Variants in USH2A observed in about 807,000 individuals in gnomAD.
The protein encoded by USH2A is Usher syndrome 2A (autosomal recessive, mild).
A neutral mutation model predicts 538.9 loss-of-function variants in USH2A; 443 were observed. The observed-to-expected ratio is 0.82, with a 90% CI of 0.76 to 0.89. USH2A has a LOEUF of 0.89. USH2A is among the 40% of genes least tolerant of loss of function. The pLI, the probability that USH2A is intolerant of heterozygous loss-of-function variation, is 0.00. For synonymous variants in USH2A, 2,413 were observed against 2,273.5 expected (o/e 1.06, Z -1.75); for missense variants, 6,633 against 6,324.8 (o/e 1.05, Z -1.65).
At chr1:215,712,488 T>G (rs1659365654) in intron 61 of USH2A, among the ~76,000 whole-genome samples, 2 of 152,214 alleles carry the variant, frequency 1.3e-5, no homozygotes, top group South Asian at 4.1e-4. Flanking sequence ...ATGATGAAGC[T>G]TGGGCTGTGA....
intron 4 of USH2A, among the ~76,000 whole-genome samples, chr1:216,333,234 C>G (rs761919599): frequency 1.3e-5 from 2 of 151,668 alleles, no homozygotes; most frequent in African/African-American, 4.8e-5. Flanking sequence ...ACGAGCCCAG[C>G]AGTTTGAGAC....
intron 21 of USH2A, chr1:216,174,967 G>A: frequency 8.0e-7 from 1 of 1,244,552 alleles, no homozygotes. Flanking sequence ...ACATGTCCTG[G>A]CACATACTTC....
At chr1:215,633,463 G>C (rs1656376383) in intron 70 of USH2A, among the ~76,000 whole-genome samples, 1 of 152,278 alleles carries the variant, frequency 6.6e-6, no homozygotes, top group East Asian at 1.9e-4. Flanking sequence ...CTATGTTGGG[G>C]CTTAACCAGT....
chr1:215,786,084 T>C (rs1390095225), intron 52 of USH2A, among the ~76,000 whole-genome samples: 1 of 152,168 alleles, frequency 6.6e-6, no homozygotes, highest in Non-Finnish European at 1.5e-5. Context: ...AACTTAACAG[T>C]GTTTCTCACA....
chr1:215,945,513 C>G (rs1666736995), intron 37 of USH2A, among the ~76,000 whole-genome samples: 1 of 151,942 alleles, frequency 6.6e-6, no homozygotes, highest in Non-Finnish European at 1.5e-5. Context: ...ATTAACAGGT[C>G]TTTTTTTAAA....
At chr1:215,919,581 T>G (rs2102487289) in intron 38 of USH2A, among the ~76,000 whole-genome samples, 1 of 152,176 alleles carries the variant, frequency 6.6e-6, no homozygotes, top group Non-Finnish European at 1.5e-5. Flanking sequence ...GTGTTACAGA[T>G]AATCAGAGGA....
intron 20 of USH2A, among the ~76,000 whole-genome samples, chr1:216,184,753 T>C (rs886169471): frequency 5.3e-5 from 8 of 152,018 alleles, no homozygotes; most frequent in Admixed American, 3.9e-4. Context: ...AGTGCTTGTT[T>C]AATCACTCTG....
chr1:216,192,752 TC>T (rs1273188350), intron 19 of USH2A, among the ~76,000 whole-genome samples: 1 of 151,894 alleles, frequency 6.6e-6, no homozygotes, highest in African/African-American at 2.4e-5. Flanking sequence ...ATGTCCTTAT[TC>T]CAGTTCAGCC....
chr1:216,246,976 A>G lies in USH2A; in HGVS notation c.2418T>C (p.Thr806=), dbSNP rs763685875. 6.2e-7 allele frequency: 1 copy of G among 1,614,118 alleles called. No homozygotes were observed. Among genetic ancestry groups the G allele is most frequent in the Non-Finnish European group, 8.5e-7 (1 of 1,179,992 alleles). ...DCDTAGSLPG[T]VCNAKTGQCI... ...ACTGCCCTGTCTTAGCATTACAGAC[A>G]GTCCCAGGGAGGGATCCAGCTGTGT... Residue 806 remains threonine, a synonymous_variant, in exon 13 of 72, where the codon ACT becomes ACC. Transcript: ENST00000307340.
chr1:216,231,893 C>CA, intron 14 of USH2A, 60 bp downstream of exon 14: 2 of 1,606,854 alleles, frequency 1.2e-6, no homozygotes, highest in East Asian at 2.2e-5. Flanking sequence ...TTGCAACTGC[C>CA]AAAAAAAGTT....
At chr1:215,956,414 T>C (rs1347682217) in intron 37 of USH2A, among the ~76,000 whole-genome samples, 2 of 152,188 alleles carry the variant, frequency 1.3e-5, no homozygotes, top group Non-Finnish European at 2.9e-5. Context: ...AGGAGAATTT[T>C]ATTTTATTTT....
At chr1:216,123,746 C>T (rs999956597) in intron 21 of USH2A, among the ~76,000 whole-genome samples, 1 of 151,998 alleles carries the variant, frequency 6.6e-6, no homozygotes. Flanking sequence ...AGATTCAAAC[C>T]CAGAAATGTG....
At chr1:216,362,595 C>T (rs1045851539) in intron 4 of USH2A, among the ~76,000 whole-genome samples, 5 of 152,148 alleles carry the variant, frequency 3.3e-5, no homozygotes, top group African/African-American at 1.2e-4. Context: ...TCAACCCAGC[C>T]ATTCAACTTC....
At position 215,970,120 on chromosome 1, in the gene USH2A, A is replaced by G. The variant is rs565525550; in HGVS notation, c.6957+505T>C. ...ATATGAATATCAAAAGCTGATATTG[A>G]TGTAATTTTAAATACCATTCTTATG... is the stretch of plus-strand genomic sequence containing the variant. On this transcript the variant is annotated intron_variant, in intron 36 of 71. Coordinates refer to ENST00000307340, the MANE Select transcript of USH2A (RefSeq NM_206933.4). 3.9e-5 allele frequency among the ~76,000 whole-genome samples: 6 copies of G among 152,316 alleles called. No individual in the cohort carries two copies. In the South Asian group the frequency reaches 8.3e-4, roughly 21 times the overall value.
chr1:216,299,983 T>C (rs1231740278), intron 9 of USH2A, among the ~76,000 whole-genome samples: 1 of 152,204 alleles, frequency 6.6e-6, no homozygotes, highest in Admixed American at 6.5e-5. Context: ...TATCATTTTG[T>C]ATGGTTTGCA....
intron 61 of USH2A, among the ~76,000 whole-genome samples, chr1:215,681,387 T>C (rs1571954264): frequency 6.6e-6 from 1 of 151,774 alleles, no homozygotes; most frequent in Admixed American, 6.6e-5. Flanking sequence ...ACCATCCCCA[T>C]TGGATATAAG....
chr1:216,354,120 G>A (rs1388887386), intron 4 of USH2A, among the ~76,000 whole-genome samples: 1 of 152,098 alleles, frequency 6.6e-6, no homozygotes. Flanking sequence ...TCTGAAACCA[G>A]TAGTGAGCTA....
intron 58 of USH2A, among the ~76,000 whole-genome samples, chr1:215,744,707 T>C (rs1018390464): frequency 9.9e-5 from 15 of 152,176 alleles, no homozygotes; most frequent in Admixed American, 2.0e-4. Context: ...AAACCAAAGA[T>C]GCTCAGGATT....
At chr1:216,332,956 T>A (rs566822104) in intron 4 of USH2A, among the ~76,000 whole-genome samples, 2 of 152,064 alleles carry the variant, frequency 1.3e-5, no homozygotes, top group South Asian at 4.1e-4. Context: ...ACAAACAATA[T>A]ACAGGGGAAG....
Sources: gnomAD v4.1 joint callset for allele counts (sites outside exome capture counted in the v4.1 genomes callset) on GRCh38, gnomAD v4.1.1 for gene constraint, MANE v1.5 for transcripts, NCBI Gene and HGNC (gene_info 2026-07-23, HGNC 2026-07-21) for gene names.